COASY: variants seen among roughly 807,000 people sequenced by gnomAD.
COASY encodes the protein Coenzyme A synthase, also known as bifunctional coenzyme A synthase.
In COASY, 31 loss-of-function variants were observed where a neutral mutation model predicts 49.4. The ratio of observed to expected loss-of-function variants is 0.63; its 90% CI spans 0.47 to 0.85. The LOEUF (loss-of-function observed/expected upper bound fraction) is 0.85, where lower values mean the gene tolerates loss of function less well. COASY is among the 40% of genes least tolerant of loss of function. The pLI is 0.00. For synonymous variants in COASY, 285 were observed against 310.9 expected (o/e 0.92, Z 0.88); for missense variants, 730 against 734.1 (o/e 0.99, Z 0.06).
intron 2 of COASY, 23 bp from the exon 3 acceptor site, chr17:42,564,423 T>C (rs747994159): frequency 6.2e-7 from 1 of 1,613,886 alleles, no homozygotes; most frequent in Admixed American, 1.7e-5. Context: ...TTCCCTCTTT[T>C]TACCCTTTCC....
chr17:42,566,060 G>A lies in COASY; in HGVS notation c.*92G>A. ...GGGCCTTGATGCTCACCCTGGTTCA[G>A]GCCCAGAGGTCCAAGCTATACTGTG... On this transcript the variant is annotated 3_prime_UTR_variant, in exon 9 of 9. Transcript: ENST00000393818. 7.3e-7 allele frequency: 1 copy of A among 1,368,118 alleles called. No homozygotes were observed. Among genetic ancestry groups the A allele is most frequent in the Non-Finnish European group, 1.0e-6 (1 of 960,522 alleles). 84.7% of individuals were successfully genotyped at this position (1,368,118 alleles called of 1,614,324 possible). A position where few individuals can be genotyped will look rare whatever the true frequency, so the allele number is the denominator to read the frequency against.
Position 42,565,586 on chromosome 17 carries a change from C to T in COASY, c.1485+18C>T, listed in dbSNP as rs1487359105. 6.2e-7 allele frequency: 1 copy of T among 1,613,906 alleles called. No homozygotes were observed. Among genetic ancestry groups the T allele is most frequent in the East Asian group, 2.2e-5 (1 of 44,896 alleles). On this transcript the variant is annotated intron_variant, in intron 7 of 8. Coordinates refer to ENST00000393818, the MANE Select transcript of COASY (RefSeq NM_025233.7). ...AGACTGAGGTATCTCGCCCCACCCC[C>T]CACACCATCCCTACTGCAGATCCTA...
Position 42,562,224 on chromosome 17 carries a change from G to A in COASY, c.-399G>A. ...AACCCAAGCCTTGAGGTTTCAGTGA[G>A]TAGGGGGCCGACGTGAGCTTTAGCG... On this transcript the variant is annotated 5_prime_UTR_variant, in exon 1 of 9. Transcript: ENST00000393818. 1 of 546,114 alleles carries A rather than the reference G, an allele frequency of 1.8e-6. No homozygotes were observed. The highest frequency in any genetic ancestry group is 3.2e-6 in the Non-Finnish European group (1 of 308,086). The allele number at this position is 546,114 out of a possible 1,614,324, so 33.8% of individuals were successfully genotyped here.
chr17:42,562,714 G>A lies in COASY; in HGVS notation c.92G>A (p.Arg31Gln), dbSNP rs757650180. ...RLASILTSAA[R>Q]LVNHTLYVHL... ...GCCTCCATCCTGACCTCGGCGGCCC[G>A]GCTGGTGAATCACACACTCTATGTT... The change falls in exon 1 of 9, where the codon CGG becomes CAG. Residue 31 changes from arginine (R) to glutamine (Q), a missense_variant. Transcript: ENST00000393818. 3.2e-6 allele frequency: 5 copies of A among 1,572,200 alleles called. No individual in the cohort carries two copies. Among genetic ancestry groups the A allele is most frequent in the African/African-American group, 1.4e-5 (1 of 74,066 alleles).
rs747577673 is a variant in COASY at position 42,564,781 on chromosome 17, A to G, written c.1120A>G (p.Ile374Val). The change falls in exon 4 of 9, where the codon ATA becomes GTA. Residue 374 changes from isoleucine (I) to valine (V), a missense_variant. Ile to Val is a conservative substitution (Grantham distance 29). Transcript: ENST00000393818. ...TGISGSGKSS[I>V]AQRLKGLGAF... ...CATCAGTGGCTCTGGGAAGAGCTCA[A>G]TAGCTCAGCGACTGAAGGGCCTGGG... The G allele has an allele frequency of 1.5e-5, 23 of 1,543,514 alleles. No individual in the cohort carries two copies. The Admixed American group carries it at 4.7e-4, about 31-fold the overall frequency.
Position 42,565,297 on chromosome 17 carries a change from GGGCTGT to G in COASY, c.1379_1384del (p.Val460_Ala461del), listed in dbSNP as rs1567905895. ...AAGCTGGCCCGAGAGGAGATGGATC[GGGCTGT>G]GGCTGAGGGTGAGTGGGAGGGAGGA... On this transcript the variant is annotated inframe_deletion, in exon 6 of 9. Coordinates refer to ENST00000393818, the MANE Select transcript of COASY (RefSeq NM_025233.7). 1 of 1,614,142 alleles carries G rather than the reference GGGCTGT, an allele frequency of 6.2e-7. No homozygotes were observed. Among genetic ancestry groups the G allele is most frequent in the East Asian group, 2.2e-5 (1 of 44,888 alleles).
Position 42,564,138 on chromosome 17 carries a change from G to A in COASY, c.878G>A (p.Arg293His), listed in dbSNP as rs367865615. 3.2e-5 allele frequency: 51 copies of A among 1,614,026 alleles called. No individual in the cohort carries two copies. The highest frequency in any genetic ancestry group is 1.6e-4 in the East Asian group (7 of 44,892). Residue 293 changes from arginine to histidine, a missense_variant, in exon 2 of 9, where the codon CGT (arginine) becomes CAT (histidine). Transcript: ENST00000393818. Reference protein sequence around the residue: ...EFLVVSEETYRGGMAINRFRL... With the variant: ...EFLVVSEETYHGGMAINRFRL... ...CTGGTGGTCAGCGAGGAGACCTATCGTGGGGGGATGGCCATCAACCGCTTC... is the reference window on the plus strand; with the variant it reads ...CTGGTGGTCAGCGAGGAGACCTATCATGGGGGGATGGCCATCAACCGCTTC...
Position 42,563,286 on chromosome 17 carries a change from C to T in COASY, c.664C>T (p.Leu222Phe). 6.2e-7 allele frequency: 1 copy of T among 1,603,942 alleles called. No individual in the cohort carries two copies. Residue 222 changes from leucine (L) to phenylalanine (F), a missense_variant, in exon 1 of 9, where the codon CTT becomes TTT. Leu to Phe is a conservative substitution (Grantham distance 22, BLOSUM62 0). Transcript: ENST00000393818. Reference protein sequence around the residue: ...SVACILAQEQLVVGVADKDLL... With the variant: ...SVACILAQEQFVVGVADKDLL... ...CGCGTGCATCCTGGCCCAGGAGCAG[C>T]TTGTGGTGGGAGTAGCAGACAAAGA...
In COASY at chr17:42,564,054, A is replaced by T; in HGVS notation, c.794A>T (p.Asp265Val). 6.2e-7 allele frequency: 1 copy of T among 1,613,928 alleles called. No homozygotes were observed. The highest frequency in any genetic ancestry group is 8.5e-7 in the Non-Finnish European group (1 of 1,179,976). The change falls in exon 2 of 9, where the codon GAT (aspartate) becomes GTT (valine). Residue 265 changes from aspartate to valine, a missense_variant. Asp to Val is a radical substitution (Grantham distance 152). Coordinates refer to ENST00000393818, the MANE Select transcript of COASY (RefSeq NM_025233.7). ...LVDIKPSLTFDVIPLLDPYGP... is the reference protein window; with the variant it reads ...LVDIKPSLTFVVIPLLDPYGP... Reference sequence around the variant, plus strand: ...GACATCAAGCCCTCCTTGACTTTTGATGTCATCCCCCTGCTGGACCCCTAT... The same window carrying T: ...GACATCAAGCCCTCCTTGACTTTTGTTGTCATCCCCCTGCTGGACCCCTAT...
chr17:42,565,476 C>T lies in COASY; in HGVS notation c.1393C>T (p.Arg465Cys), dbSNP rs146857074. Residue 465 changes from arginine to cysteine, a missense_variant, in exon 7 of 9, where the codon CGT (arginine) becomes TGT (cysteine). By Grantham distance (180) the Arg-to-Cys change is radical. Transcript: ENST00000393818. ...TGACTGGGGTCTCCCCACAGGAAAG[C>T]GTGTGTGTGTGATTGATGCCGCTGT... ...EMDRAVAEGK[R>C]VCVIDAAVLL... The T allele has an allele frequency of 1.2e-5, 19 of 1,613,640 alleles. No homozygotes were observed. Among genetic ancestry groups the T allele is most frequent in the South Asian group, 6.6e-5 (6 of 91,066 alleles).
chr17:42,562,967 G>T lies in COASY; in HGVS notation c.345G>T (p.Leu115Phe). ...QNLAHPPEVV[L>F]TDFQTLDGSQ... is the part of the protein sequence containing the mutation. The stretch of plus-strand genomic sequence containing the variant: ...TCGCCCACCCGCCAGAAGTCGTGTT[G>T]ACAGATTTCCAGACCCTGGATGGAA... The change falls in exon 1 of 9, where the codon TTG becomes TTT. Residue 115 changes from leucine (L) to phenylalanine (F), a missense_variant. By Grantham distance (22) the Leu-to-Phe change is conservative. Coordinates refer to ENST00000393818, the MANE Select transcript of COASY (RefSeq NM_025233.7). 4 of 1,614,066 alleles carry T rather than the reference G, an allele frequency of 2.5e-6. No homozygotes were observed. Among genetic ancestry groups the T allele is most frequent in the Non-Finnish European group, 3.4e-6 (4 of 1,179,946 alleles).
In COASY at chr17:42,563,043, T is replaced by TA. The variant is rs562485309; in HGVS notation, c.422dup (p.Tyr141Ter). 3.1e-6 allele frequency: 5 copies of TA among 1,614,136 alleles called. No individual in the cohort carries two copies. Among genetic ancestry groups the TA allele is most frequent in the East Asian group, 2.2e-5 (1 of 44,874 alleles). Residue 141 changes from tyrosine to a stop codon, truncating the protein, a stop_gained and frameshift_variant, in exon 1 of 9, where the codon TAC (tyrosine) becomes TAAC (stop). Coordinates refer to ENST00000393818, the MANE Select transcript of COASY (RefSeq NM_025233.7). LOFTEE classifies it high-confidence loss of function. Reference protein sequence around the residue: ...QQLVRYATSCYSCCPRLASVL... With the variant: ...QQLVRYATSC ...GCTAGTGCGTTACGCCACCAGCTGT[T>TA]ACAGCTGTTGTCCGCGACTGGCCTC... is the stretch of plus-strand genomic sequence containing the variant.
At position 42,562,986 on chromosome 17, in the gene COASY, G is replaced by A. The variant is rs1567903674; in HGVS notation, c.364G>A (p.Asp122Asn). 1 of 1,614,152 alleles carries A rather than the reference G, an allele frequency of 6.2e-7. No individual in the cohort carries two copies. The highest frequency in any genetic ancestry group is 1.1e-5 in the South Asian group (1 of 91,084). ...CGTGTTGACAGATTTCCAGACCCTGGATGGAAGCCAGTACAACCCGGTCAA... is the reference window on the plus strand; with the variant it reads ...CGTGTTGACAGATTTCCAGACCCTGAATGGAAGCCAGTACAACCCGGTCAA... ...EVVLTDFQTL[D>N]GSQYNPVKQQ... is the part of the protein sequence containing the mutation. Residue 122 changes from aspartate to asparagine, a missense_variant, in exon 1 of 9, where the codon GAT becomes AAT. By Grantham distance (23) the Asp-to-Asn change is conservative. Coordinates refer to ENST00000393818, the MANE Select transcript of COASY (RefSeq NM_025233.7).
Position 42,562,671 on chromosome 17 carries a change from TC to T in COASY, c.52del (p.Leu18Ter). On this transcript the variant is annotated frameshift_variant, in exon 1 of 9. Transcript: ENST00000393818. LOFTEE classifies it high-confidence loss of function. Reference sequence around the variant, plus strand: ...CCTGGTGCTGACGACGCCGCTGGCCTCCCTAGCCCCTCGCCTGGCCTCCATC... The same window carrying T: ...CCTGGTGCTGACGACGCCGCTGGCCTCCTAGCCCCTCGCCTGGCCTCCATC... Reference protein sequence around the residue: ...GLLVLTTPLASLAPRLASILT... With the variant: ...GLLVLTTPLAXLAPRLASILT... The T allele has an allele frequency of 6.5e-7, 1 of 1,527,110 alleles. No homozygotes were observed. Among genetic ancestry groups the T allele is most frequent in the Non-Finnish European group, 8.8e-7 (1 of 1,141,452 alleles). The allele number at this position is 1,527,110 out of a possible 1,614,324, so 94.6% of individuals were successfully genotyped here. A position where few individuals can be genotyped will look rare whatever the true frequency, so the allele number is the denominator to read the frequency against.
At position 42,562,596 on chromosome 17, in the gene COASY, C is replaced by A. The variant is rs751353009; in HGVS notation, c.-27C>A. The A allele has an allele frequency of 8.4e-6, 13 of 1,541,260 alleles. No individual in the cohort carries two copies. Among genetic ancestry groups the A allele is most frequent in the Non-Finnish European group, 1.0e-5 (12 of 1,148,084 alleles). On this transcript the variant is annotated 5_prime_UTR_variant, in exon 1 of 9. Transcript: ENST00000393818. ...CCCTTCAGTCACCGTCGCCTCGTCTCCCTGACTGTCCGCAGGCCTGGGCAG... is the reference window on the plus strand; with the variant it reads ...CCCTTCAGTCACCGTCGCCTCGTCTACCTGACTGTCCGCAGGCCTGGGCAG...
Position 42,562,392 on chromosome 17 carries a change from G to A in COASY, c.-231G>A, listed in dbSNP as rs745907150. 2 of 1,613,248 alleles carry A rather than the reference G, an allele frequency of 1.2e-6. No homozygotes were observed. Among genetic ancestry groups the A allele is most frequent in the Non-Finnish European group, 1.7e-6 (2 of 1,179,302 alleles). ...CAGGATTTCGACTCAGTTCAGCGAA[G>A]TCACCGCCCCGTCTGAGAAATGAGG... On this transcript the variant is annotated 5_prime_UTR_variant, in exon 1 of 9. Transcript: ENST00000393818.
Position 42,564,011 on chromosome 17 carries a change from C to A in COASY, c.751C>A (p.Leu251Met). 1 of 1,614,082 alleles carries A rather than the reference C, an allele frequency of 6.2e-7. No individual in the cohort carries two copies. Among genetic ancestry groups the A allele is most frequent in the Non-Finnish European group, 8.5e-7 (1 of 1,179,970 alleles). The change falls in exon 2 of 9, where the codon CTG (leucine) becomes ATG (methionine). Residue 251 changes from leucine to methionine, a missense_variant. Physicochemically the swap from Leu to Met is conservative, Grantham distance 15. Coordinates refer to ENST00000393818, the MANE Select transcript of COASY (RefSeq NM_025233.7). The stretch of plus-strand genomic sequence containing the variant: ...ACCTTATACAGAACGTGTGGAACAT[C>A]TGAGTGAATTCCTGGTGGACATCAA... Reference protein sequence around the residue: ...LQPYTERVEHLSEFLVDIKPS... With the variant: ...LQPYTERVEHMSEFLVDIKPS...
chr17:42,565,890 C>A lies in COASY; in HGVS notation c.1633-16C>A. On this transcript the variant is annotated splice_polypyrimidine_tract_variant and intron_variant, in intron 8 of 8. Coordinates refer to ENST00000393818, the MANE Select transcript of COASY (RefSeq NM_025233.7). Reference sequence around the variant, plus strand: ...CCCTGCCCTCTCTTCCTCCCAACATCCTGGCCTGTCTGAAGGTGGAGAAAG... The same window carrying A: ...CCCTGCCCTCTCTTCCTCCCAACATACTGGCCTGTCTGAAGGTGGAGAAAG... 1 of 1,614,020 alleles carries A rather than the reference C, an allele frequency of 6.2e-7. No homozygotes were observed. The highest frequency in any genetic ancestry group is 8.5e-7 in the Non-Finnish European group (1 of 1,180,038).
rs1313707014 is a variant in COASY, at chr17:42,562,757, G to T, written c.135G>T (p.Met45Ile). 6.3e-7 allele frequency: 1 copy of T among 1,595,298 alleles called. No individual in the cohort carries two copies. Among genetic ancestry groups the T allele is most frequent in the Non-Finnish European group, 8.6e-7 (1 of 1,167,634 alleles). ...HTLYVHLQPG[M>I]SLEGPAQPQS... ...TCTATGTTCACCTGCAGCCGGGCATGAGCCTGGAGGGCCCGGCTCAGCCCC... is the reference window on the plus strand; with the variant it reads ...TCTATGTTCACCTGCAGCCGGGCATTAGCCTGGAGGGCCCGGCTCAGCCCC... The change falls in exon 1 of 9, where the codon ATG becomes ATT. Residue 45 changes from methionine (M) to isoleucine (I), a missense_variant. Met to Ile is a conservative substitution (Grantham distance 10). Transcript: ENST00000393818.
Sources: gnomAD v4.1 joint callset for allele counts on GRCh38, gnomAD v4.1.1 for gene constraint, MANE v1.5 for transcripts, NCBI Gene and HGNC (gene_info 2026-07-23, HGNC 2026-07-21) for gene names.